The following MARCHF3 variants were observed in gnomAD, a reference collection of about 807,000 sequenced individuals.
MARCHF3 encodes membrane associated ring-CH-type finger 3.
Under a neutral mutation model 24.2 loss-of-function variants are expected in MARCHF3, and 13 were observed. That is an observed-to-expected ratio of 0.54 (90% CI 0.35 to 0.85). The LOEUF (loss-of-function observed/expected upper bound fraction) is 0.85. Ranked by LOEUF, MARCHF3 falls within the 40% of genes least tolerant of loss-of-function variation. MARCHF3 has a pLI of 0.01. For synonymous variants in MARCHF3, 144 were observed against 137.3 expected (o/e 1.05, Z -0.34); for missense variants, 276 against 325.0 (o/e 0.85, Z 1.16).
At chr5:126,939,490 G>T (rs1749758734) in intron 1 of MARCHF3, among the ~76,000 whole-genome samples, 1 of 152,044 alleles carries the variant, frequency 6.6e-6, no homozygotes, top group South Asian at 2.1e-4. Flanking sequence ...ATTCCTTTTG[G>T]AACACAGTAT....
chr5:126,975,330 A>G (rs569200442), intron 1 of MARCHF3, among the ~76,000 whole-genome samples: 204 of 152,246 alleles, frequency 1.3e-3, no homozygotes, highest in African/African-American at 4.8e-3. Context: ...GTTGAAAAAA[A>G]TTTTTTTATT....
chr5:126,871,710 CTCTTT>C (rs1752971978), intron 4 of MARCHF3, among the ~76,000 whole-genome samples: 1 of 145,388 alleles, frequency 6.9e-6, no homozygotes, highest in African/African-American at 2.6e-5. Flanking sequence ...AAGCCTCTCT[CTCTTT>C]TTTTTTTTTT....
chr5:126,872,731 C>A (rs985734969), intron 4 of MARCHF3, among the ~76,000 whole-genome samples: 1 of 152,106 alleles, frequency 6.6e-6, no homozygotes, highest in East Asian at 1.9e-4. Context: ...ATTTCTGAGG[C>A]TAGAAAGCAG....
chr5:127,024,050 CAA>C (rs1201266468), intron 1 of MARCHF3, among the ~76,000 whole-genome samples: 1 of 151,970 alleles, frequency 6.6e-6, no homozygotes, highest in Non-Finnish European at 1.5e-5. Context: ...GGTATGGGAA[CAA>C]AAGAGAAATC....
chr5:126,954,756 A>AT (rs1320790040), intron 1 of MARCHF3, among the ~76,000 whole-genome samples: 1 of 150,988 alleles, frequency 6.6e-6, no homozygotes, highest in Non-Finnish European at 1.5e-5. Context: ...AAAAGTTTAC[A>AT]TTTTGTCATT....
intron 3 of MARCHF3, among the ~76,000 whole-genome samples, chr5:126,903,894 T>A (rs1382111307): frequency 2.0e-5 from 3 of 151,840 alleles, no homozygotes; most frequent in Non-Finnish European, 4.4e-5. Flanking sequence ...ACATGTGCCA[T>A]GCTGGTGCGC....
At chr5:126,903,605 C>T (rs1034010466) in intron 3 of MARCHF3, among the ~76,000 whole-genome samples, 1 of 151,856 alleles carries the variant, frequency 6.6e-6, no homozygotes, top group Admixed American at 6.6e-5. Context: ...AATAACAGTC[C>T]AGCAATGTCT....
At chr5:127,024,905 T>C (rs926730899) in intron 1 of MARCHF3, among the ~76,000 whole-genome samples, 5 of 152,220 alleles carry the variant, frequency 3.3e-5, no homozygotes, top group South Asian at 2.1e-4. Flanking sequence ...GCATAAAATA[T>C]ACTCGGCAGC....
intron 1 of MARCHF3, among the ~76,000 whole-genome samples, chr5:127,025,462 T>C (rs1410158404): frequency 1.3e-5 from 2 of 152,152 alleles, no homozygotes; most frequent in African/African-American, 4.8e-5. Flanking sequence ...TCTATAAATT[T>C]CTTACCACCC....
intron 3 of MARCHF3, among the ~76,000 whole-genome samples, chr5:126,893,887 G>C (rs1753781142): frequency 1.4e-5 from 1 of 73,210 alleles, no homozygotes; most frequent in East Asian, 3.8e-4. Flanking sequence ...GTTGACAGTG[G>C]GGTGTTAAAG....
chr5:126,982,799 G>A (rs1580705508), intron 1 of MARCHF3, among the ~76,000 whole-genome samples: 1 of 152,232 alleles, frequency 6.6e-6, no homozygotes, highest in African/African-American at 2.4e-5. Flanking sequence ...GTACAAAGTA[G>A]AGTACAAAGC....
chr5:127,003,809 C>G (rs1039270113), intron 1 of MARCHF3, among the ~76,000 whole-genome samples: 2 of 152,214 alleles, frequency 1.3e-5, no homozygotes, highest in African/African-American at 4.8e-5. Flanking sequence ...AAAAACGTTA[C>G]ATTTGTCGTA....
intron 1 of MARCHF3, among the ~76,000 whole-genome samples, chr5:126,985,925 A>G (rs1037018124): frequency 6.6e-6 from 1 of 152,222 alleles, no homozygotes; most frequent in Admixed American, 6.5e-5. Context: ...GATATAGAAC[A>G]TACAAGGAAC....
chr5:126,983,583 T>C (rs1351451385), intron 1 of MARCHF3, among the ~76,000 whole-genome samples: 1 of 152,174 alleles, frequency 6.6e-6, no homozygotes, highest in East Asian at 1.9e-4. Context: ...GAGCTAACTT[T>C]GGACTAGAAC....
Position 126,893,032 on chromosome 5 carries a change from C to T in MARCHF3, c.394-14638G>A, listed in dbSNP as rs371030778. On this transcript the variant is annotated intron_variant, in intron 3 of 4. Coordinates refer to ENST00000308660, the MANE Select transcript of MARCHF3 (RefSeq NM_178450.5). ...TTGAGTCTTGGGAGGGTGTATGTGTCGAGGAATTTATCCATTTCTTCTAGA... is the reference window on the plus strand; with the variant it reads ...TTGAGTCTTGGGAGGGTGTATGTGTTGAGGAATTTATCCATTTCTTCTAGA... Among the ~76,000 whole-genome samples, 85 of 151,894 alleles carry T rather than the reference C, an allele frequency of 5.6e-4. 1 individual carries two copies. The highest frequency in any genetic ancestry group is 1.7e-3 in the African/African-American group (72 of 41,424).
chr5:126,913,725 C>G (rs1333223369), intron 3 of MARCHF3, among the ~76,000 whole-genome samples: 1 of 152,154 alleles, frequency 6.6e-6, no homozygotes, highest in Non-Finnish European at 1.5e-5. Context: ...AAGGTCAAAC[C>G]CAAGAGAATG....
intron 1 of MARCHF3, among the ~76,000 whole-genome samples, chr5:126,943,840 T>C (rs1395151102): frequency 1.3e-5 from 2 of 151,866 alleles, no homozygotes; most frequent in African/African-American, 2.4e-5. Context: ...ATACGGAGTC[T>C]CGCTCTGTCG....
intron 1 of MARCHF3, among the ~76,000 whole-genome samples, chr5:127,009,982 T>C (rs1371124748): frequency 6.6e-6 from 1 of 152,204 alleles, no homozygotes; most frequent in Non-Finnish European, 1.5e-5. Context: ...GTGTTAACAT[T>C]GGAACAAGTC....
chr5:126,947,268 T>C (rs1373374345), intron 1 of MARCHF3, among the ~76,000 whole-genome samples: 2 of 152,226 alleles, frequency 1.3e-5, no homozygotes, highest in Admixed American at 1.3e-4. Context: ...TTAAAGCCCA[T>C]TCTTTACAGC....
Sources: gnomAD v4.1 joint callset for allele counts (sites outside exome capture counted in the v4.1 genomes callset) on GRCh38, gnomAD v4.1.1 for gene constraint, MANE v1.5 for transcripts, NCBI Gene and HGNC (gene_info 2026-07-23, HGNC 2026-07-21) for gene names.